The following MTERF3 variants were observed in gnomAD, a reference collection of about 807,000 sequenced individuals.
MTERF3 encodes the protein transcription termination factor 3, mitochondrial.
Under a neutral mutation model 40.5 loss-of-function variants are expected in MTERF3, and 40 were observed. The ratio of observed to expected loss-of-function variants is 0.99; its 90% CI spans 0.77 to 1.29. The LOEUF (loss-of-function observed/expected upper bound fraction) is 1.29. Ranked by LOEUF, MTERF3 falls within the 50% of genes most tolerant of loss-of-function variation. The pLI is 0.00. For synonymous variants in MTERF3, 158 were observed against 166.6 expected, an observed-to-expected ratio of 0.95 and a Z score of 0.40; for missense variants, 452 against 478.2, an observed-to-expected ratio of 0.95 and a Z score of 0.51.
chr8:96,249,157 A>G (rs924439492), intron 4 of MTERF3, among the ~76,000 whole-genome samples: 1 of 152,238 alleles, frequency 6.6e-6, no homozygotes, highest in Non-Finnish European at 1.5e-5. Context: ...TGTAGTAGTC[A>G]GAACCCTGGA....
At position 96,258,729 on chromosome 8, in the gene MTERF3, G is replaced by A. The variant is rs1272058669; in HGVS notation, c.-10-29C>T. On this transcript the variant is annotated intron_variant, in intron 1 of 7. Transcript: ENST00000287025. ...CAAAGGAAAGATATAACCGTCAAAA[G>A]AAGAGAAATTTAATTTACTTAAATG... 7 of 1,449,792 alleles carry A rather than the reference G, an allele frequency of 4.8e-6. No individual in the cohort carries two copies. In the Admixed American group the frequency reaches 1.3e-4, roughly 28 times the overall value. 89.8% of individuals were successfully genotyped at this position (1,449,792 alleles called of 1,614,324 possible). A position where few individuals can be genotyped will look rare whatever the true frequency, so the allele number is the denominator to read the frequency against.
chr8:96,252,481 G>C (rs547509613), intron 3 of MTERF3, among the ~76,000 whole-genome samples: 11 of 152,322 alleles, frequency 7.2e-5, no homozygotes, highest in African/African-American at 2.6e-4. Context: ...AAAACCTAGT[G>C]TAGAAAAAGG....
intron 3 of MTERF3, among the ~76,000 whole-genome samples, chr8:96,253,454 G>T (rs553837713): frequency 1.3e-5 from 2 of 152,112 alleles, no homozygotes; most frequent in Non-Finnish European, 1.5e-5. Flanking sequence ...CTGCCAAGAA[G>T]CCAGCTGGCA....
At chr8:96,254,275 G>A (rs1292813680) in intron 3 of MTERF3, among the ~76,000 whole-genome samples, 2 of 151,324 alleles carry the variant, frequency 1.3e-5, no homozygotes, top group Non-Finnish European at 2.9e-5. Flanking sequence ...ACTTTTTTTT[G>A]TGGTGAGAAC....
intron 1 of MTERF3, 53 bp from the exon 2 acceptor site, chr8:96,258,753 T>C (rs1328941818): frequency 7.5e-7 from 1 of 1,339,318 alleles, no homozygotes; most frequent in South Asian, 1.5e-5. Flanking sequence ...TTTACTTAAA[T>C]GTTTAAAACG....
chr8:96,241,693 T>C (rs1255781677), intron 7 of MTERF3, among the ~76,000 whole-genome samples: 21 of 151,624 alleles, frequency 1.4e-4, no homozygotes, highest in African/African-American at 2.4e-5. Context: ...GGGGGGAGAG[T>C]TGTTGGCCAC....
At chr8:96,258,329 G>A (rs768996670) in intron 2 of MTERF3, 28 bp downstream of exon 2, 54 of 1,569,736 alleles carry the variant, frequency 3.4e-5, no homozygotes, top group East Asian at 4.6e-5. Context: ...GTAGGGAAAG[G>A]GAGACTTTTC....
In MTERF3 at chr8:96,245,859, C is replaced by A; in HGVS notation, c.897+1G>T. On this transcript the variant is annotated splice_donor_variant, in intron 6 of 7. Coordinates refer to ENST00000287025, the MANE Select transcript of MTERF3 (RefSeq NM_015942.5). LOFTEE classifies it high-confidence loss of function. ...TCTCAAAAAGCCTAAAGTTGTCCTA[C>A]CTTCATATTTTCTTTCACGGGTTCC... The A allele has an allele frequency of 6.2e-7, 1 of 1,613,130 alleles. No homozygotes were observed. The highest frequency in any genetic ancestry group is 8.5e-7 in the Non-Finnish European group (1 of 1,179,176).
intron 3 of MTERF3, 57 bp downstream of exon 3, chr8:96,256,905 G>A (rs1810288410): frequency 6.8e-7 from 1 of 1,480,592 alleles, no homozygotes; most frequent in East Asian, 2.3e-5. Flanking sequence ...ATTTAAAAAA[G>A]TAAAAAAAGT....
intron 1 of MTERF3, 133 bp from the exon 2 acceptor site, chr8:96,258,833 TAG>T: frequency 3.1e-6 from 2 of 646,678 alleles, no homozygotes; most frequent in Non-Finnish European, 5.0e-6. Flanking sequence ...AATATATATT[TAG>T]TCTAAAATAG....
Position 96,243,979 on chromosome 8 carries a change from C to G in MTERF3, c.999G>C (p.Thr333=). 6.2e-7 allele frequency: 1 copy of G among 1,614,112 alleles called. No individual in the cohort carries two copies. The highest frequency in any genetic ancestry group is 8.5e-7 in the Non-Finnish European group (1 of 1,180,000). ...LTANKMKLTE[T]FDFVHNVMSI... is the part of the protein sequence containing the mutation. ...TCATCACATTGTGCACAAAATCAAA[C>G]GTCTCGGTAAGTTTCATTTTATTTG... The change falls in exon 7 of 8, where the codon ACG becomes ACC. Residue 333 remains threonine, a synonymous_variant. Coordinates refer to ENST00000287025, the MANE Select transcript of MTERF3 (RefSeq NM_015942.5).
In MTERF3 at chr8:96,246,294, T is replaced by C; in HGVS notation, c.825+13A>G. 1.9e-6 allele frequency: 3 copies of C among 1,585,966 alleles called. No homozygotes were observed. Among genetic ancestry groups the C allele is most frequent in the East Asian group, 2.3e-5 (1 of 44,244 alleles). On this transcript the variant is annotated intron_variant, in intron 5 of 7. Coordinates refer to ENST00000287025, the MANE Select transcript of MTERF3 (RefSeq NM_015942.5). ...CTGACATGGAAATAAACAAATTCTC[T>C]CCTTTTCTTTACCTTCTTCACACTA...
At chr8:96,252,941 T>C (rs1468753480) in intron 3 of MTERF3, among the ~76,000 whole-genome samples, 1 of 152,224 alleles carries the variant, frequency 6.6e-6, no homozygotes, top group African/African-American at 2.4e-5. Flanking sequence ...CTTCATTTCA[T>C]TAACTTGAAA....
At position 96,250,672 on chromosome 8, in the gene MTERF3, A is replaced by AGGAGG. The variant is rs1336527891; in HGVS notation, c.677+233_677+234insCCTCC. Among the ~76,000 whole-genome samples, 3 of 32,444 alleles carry AGGAGG rather than the reference A, an allele frequency of 9.2e-5. 1 individual carries two copies. The highest frequency in any genetic ancestry group is 6.8e-4 in the African/African-American group (3 of 4,444). 21.3% of individuals were successfully genotyped at this position (32,444 alleles called of 152,430 possible). ...GAAGAAGAAGAAGAAGAAGAAGAAG[A>AGGAGG]AGAAGAAGAAGGAGGAGGAGGAGGG... is the stretch of plus-strand genomic sequence containing the variant. On this transcript the variant is annotated intron_variant, in intron 4 of 7. Coordinates refer to ENST00000287025, the MANE Select transcript of MTERF3 (RefSeq NM_015942.5).
chr8:96,248,768 A>G (rs2129900025), intron 4 of MTERF3, among the ~76,000 whole-genome samples: 1 of 152,234 alleles, frequency 6.6e-6, no homozygotes, highest in East Asian at 1.9e-4. Flanking sequence ...TTCATTTGAA[A>G]ATTCTACAAG....
At chr8:96,257,511 G>GA (rs1563552639) in intron 2 of MTERF3, among the ~76,000 whole-genome samples, 1 of 152,138 alleles carries the variant, frequency 6.6e-6, no homozygotes, top group African/African-American at 2.4e-5. Flanking sequence ...ATCATATCCC[G>GA]AAAGTCTTTG....
At chr8:96,259,860 A>G (rs1368372628) in intron 1 of MTERF3, among the ~76,000 whole-genome samples, 1 of 152,108 alleles carries the variant, frequency 6.6e-6, no homozygotes, top group African/African-American at 2.4e-5. Flanking sequence ...GAGATTTTAC[A>G]AAAGTGAAAG....
chr8:96,243,160 A>C (rs1809959031), intron 7 of MTERF3, among the ~76,000 whole-genome samples: 1 of 152,204 alleles, frequency 6.6e-6, no homozygotes, highest in Non-Finnish European at 1.5e-5. Context: ...TATTTCTTTT[A>C]CCCATCTTTT....
rs764051076 is a variant in MTERF3, at chr8:96,258,536, C to T, written c.155G>A (p.Cys52Tyr). The part of the protein sequence containing the change: ...SAQPQISSDN[C>Y]FLQWGFKTYR... Reference sequence around the variant, plus strand: ...AGTCTTAAATCCCCACTGGAGAAAGCAATTGTCAGAGGATATCTGAGGCTG... The same window carrying T: ...AGTCTTAAATCCCCACTGGAGAAAGTAATTGTCAGAGGATATCTGAGGCTG... Residue 52 changes from cysteine to tyrosine, a missense_variant, in exon 2 of 8, where the codon TGC becomes TAC. Cys to Tyr is a radical substitution (Grantham distance 194, BLOSUM62 -2). Coordinates refer to ENST00000287025, the MANE Select transcript of MTERF3 (RefSeq NM_015942.5). 2.6e-5 allele frequency: 42 copies of T among 1,613,996 alleles called. No homozygotes were observed. Among genetic ancestry groups the T allele is most frequent in the Admixed American group, 3.3e-5 (2 of 60,008 alleles).
Sources: gnomAD v4.1 joint callset for allele counts (sites outside exome capture counted in the v4.1 genomes callset) on GRCh38, gnomAD v4.1.1 for gene constraint, MANE v1.5 for transcripts, NCBI Gene and HGNC (gene_info 2026-07-23, HGNC 2026-07-21) for gene names.